Variants in NLGN1 observed in about 807,000 individuals in gnomAD.
NLGN1 encodes the protein neuroligin 1.
Under a neutral mutation model 65.5 loss-of-function variants are expected in NLGN1, and 12 were observed. That is an observed-to-expected ratio of 0.18 (90% CI 0.12 to 0.30). NLGN1 has a LOEUF of 0.30. Ranked by LOEUF, NLGN1 falls within the 10% of genes least tolerant of loss-of-function variation. The pLI is 1.00. For missense variants in NLGN1, 750 were observed against 1,007.1 expected (o/e 0.74, Z 3.46); for synonymous variants, 350 against 359.5 (o/e 0.97, Z 0.30).
chr3:173,569,171 T>C (rs1167907121), intron 2 of NLGN1, among the ~76,000 whole-genome samples: 1 of 152,200 alleles, frequency 6.6e-6, no homozygotes, highest in Non-Finnish European at 1.5e-5. Context: ...TTTGAAAATG[T>C]GTTTTATTAG....
At chr3:173,826,065 G>A (rs531519135) in intron 4 of NLGN1, among the ~76,000 whole-genome samples, 23 of 152,150 alleles carry the variant, frequency 1.5e-4, no homozygotes, top group African/African-American at 4.1e-4. Context: ...AGCTGTGTGT[G>A]TGTGTCTGTA....
intron 4 of NLGN1, among the ~76,000 whole-genome samples, chr3:173,896,481 T>C (rs997583729): frequency 2.0e-5 from 3 of 152,186 alleles, no homozygotes; most frequent in African/African-American, 7.2e-5. Context: ...ACATTTCTCC[T>C]GTAGCAGTTT....
intron 3 of NLGN1, among the ~76,000 whole-genome samples, chr3:173,726,086 T>G (rs1005521797): frequency 6.6e-6 from 1 of 151,804 alleles, no homozygotes; most frequent in Non-Finnish European, 1.5e-5. Context: ...ATCAAGGGAG[T>G]AAAGTCGCCT....
rs181881673 is a variant in NLGN1 at position 173,743,335 on chromosome 3, T to C, written c.494-64345T>C. On this transcript the variant is annotated intron_variant, in intron 3 of 6. Coordinates refer to ENST00000457714, the Ensembl canonical transcript of NLGN1. ...TTGTCCTAGAGTGTAGTCTAAATTA[T>C]GTTTTCTGTGAGAATGATTTCGTAG... is the stretch of plus-strand genomic sequence containing the variant. Among the ~76,000 whole-genome samples the C allele has an allele frequency of 4.6e-5, 7 of 152,274 alleles. No homozygotes were observed. In the East Asian group the frequency reaches 1.4e-3, roughly 29 times the overall value.
chr3:173,635,805 A>G (rs1386564664), intron 3 of NLGN1, among the ~76,000 whole-genome samples: 1 of 152,042 alleles, frequency 6.6e-6, no homozygotes, highest in Non-Finnish European at 1.5e-5. Context: ...GTCTATGGGG[A>G]CTTAAGTTAA....
chr3:174,080,972 G>A (rs553726006), intron 4 of NLGN1, among the ~76,000 whole-genome samples: 26 of 142,950 alleles, frequency 1.8e-4, no homozygotes, highest in South Asian at 1.1e-3. Flanking sequence ...TAGGGGAAGC[G>A]CTCTCCTGCC....
intron 4 of NLGN1, among the ~76,000 whole-genome samples, chr3:174,072,760 G>T (rs1025040831): frequency 6.6e-6 from 1 of 152,016 alleles, no homozygotes; most frequent in African/African-American, 2.4e-5. Context: ...TCGTTTTGGA[G>T]CCCCCCTAGA....
chr3:174,212,353 C>G (rs1367705749), intron 4 of NLGN1, among the ~76,000 whole-genome samples: 2 of 152,232 alleles, frequency 1.3e-5, no homozygotes, highest in Non-Finnish European at 2.9e-5. Flanking sequence ...CCGCGCCTCT[C>G]CCTCCACACC....
At chr3:173,977,237 C>T (rs1247176746) in intron 4 of NLGN1, among the ~76,000 whole-genome samples, 2 of 151,828 alleles carry the variant, frequency 1.3e-5, no homozygotes, top group African/African-American at 2.4e-5. Flanking sequence ...GAAAAGACTT[C>T]TCTGAGAAAA....
chr3:174,211,250 A>G lies in NLGN1; in HGVS notation c.647-64065A>G, dbSNP rs193194076. On this transcript the variant is annotated intron_variant, in intron 4 of 6. Transcript: ENST00000457714. ...GCGGGTTGCCAATGCTGGCTCTGGC[A>G]GCCTGCTTTTATTCTCTTATCTGGC... Among the ~76,000 whole-genome samples the G allele has an allele frequency of 7.5e-3, 1,145 of 152,276 alleles. 19 individuals carry two copies. Among genetic ancestry groups the G allele is most frequent in the African/African-American group, 0.026 (1,092 of 41,538 alleles).
chr3:174,071,567 G>A (rs902540791), intron 4 of NLGN1, among the ~76,000 whole-genome samples: 4 of 151,870 alleles, frequency 2.6e-5, no homozygotes, highest in East Asian at 1.9e-4. Context: ...TTAGCTGGGC[G>A]TGGTGGTATG....
intron 4 of NLGN1, among the ~76,000 whole-genome samples, chr3:174,015,837 T>G (rs549320556): frequency 1.1e-4 from 17 of 152,138 alleles, no homozygotes; most frequent in Non-Finnish European, 2.2e-4. Context: ...AAGTGACACA[T>G]GGGCACAAAC....
chr3:174,132,715 G>A (rs541562358), intron 4 of NLGN1, among the ~76,000 whole-genome samples: 1 of 152,254 alleles, frequency 6.6e-6, no homozygotes, highest in South Asian at 2.1e-4. Context: ...CCAGTAATGA[G>A]ATTATTTTAT....
At chr3:173,864,391 A>G (rs1256682002) in intron 4 of NLGN1, among the ~76,000 whole-genome samples, 2 of 152,178 alleles carry the variant, frequency 1.3e-5, no homozygotes, top group East Asian at 1.9e-4. Flanking sequence ...ATCATGGATG[A>G]CAAATTTCTT....
intron 2 of NLGN1, among the ~76,000 whole-genome samples, chr3:173,596,749 A>C (rs1749559495): frequency 6.6e-6 from 1 of 152,188 alleles, no homozygotes; most frequent in Admixed American, 6.5e-5. Flanking sequence ...CTCCATGATC[A>C]AGACCTTCAA....
At chr3:174,114,382 G>C (rs1292793950) in intron 4 of NLGN1, among the ~76,000 whole-genome samples, 1 of 152,112 alleles carries the variant, frequency 6.6e-6, no homozygotes, top group Non-Finnish European at 1.5e-5. Flanking sequence ...TGTGAGTGAA[G>C]CTGTAAAAAT....
intron 4 of NLGN1, among the ~76,000 whole-genome samples, chr3:173,923,071 T>C (rs1340740989): frequency 6.6e-6 from 1 of 150,914 alleles, no homozygotes; most frequent in African/African-American, 2.5e-5. Context: ...TCAGCAATCT[T>C]ACCTACAAAG....
At chr3:173,634,815 G>A (rs995697665) in intron 3 of NLGN1, among the ~76,000 whole-genome samples, 1 of 152,222 alleles carries the variant, frequency 6.6e-6, no homozygotes, top group South Asian at 2.1e-4. Context: ...CTGAGACAGA[G>A]AGAGCTGGAC....
At position 173,714,707 on chromosome 3, in the gene NLGN1, T is replaced by G. The variant is rs567221077; in HGVS notation, c.494-92973T>G. Among the ~76,000 whole-genome samples, 6 of 151,996 alleles carry G rather than the reference T, an allele frequency of 3.9e-5. No individual in the cohort carries two copies. In the East Asian group the frequency reaches 1.2e-3, roughly 29 times the overall value. The stretch of plus-strand genomic sequence containing the variant: ...AACTTGAAAAGGGAGTGGGGAAGAG[T>G]ACATCAAAGCTTGAGGGAACTGCAG... On this transcript the variant is annotated intron_variant, in intron 3 of 6. Transcript: ENST00000457714.
Sources: gnomAD v4.1 joint callset for allele counts (sites outside exome capture counted in the v4.1 genomes callset) on GRCh38, gnomAD v4.1.1 for gene constraint, MANE v1.5 for transcripts, NCBI Gene and HGNC (gene_info 2026-07-23, HGNC 2026-07-21) for gene names.